Variants in GYPC observed in about 807,000 individuals in gnomAD.
The protein encoded by GYPC is glycophorin C (Gerbich blood group), also known as glycophorin-C.
In GYPC, 14 loss-of-function variants were observed where a neutral mutation model predicts 12.6. The observed-to-expected ratio is 1.11, with a 90% CI of 0.74 to 1.74. The LOEUF (loss-of-function observed/expected upper bound fraction) is 1.74. Ranked by LOEUF, GYPC falls within the 40% of genes most tolerant of loss-of-function variation. GYPC has a pLI of 0.00. For synonymous variants in GYPC, 78 were observed against 62.1 expected (o/e 1.26, Z -1.20); for missense variants, 225 against 172.1 (o/e 1.31, Z -1.72).
At chr2:126,685,017 G>C (rs1683246411) in intron 1 of GYPC, among the ~76,000 whole-genome samples, 1 of 152,214 alleles carries the variant, frequency 6.6e-6, no homozygotes, top group South Asian at 2.1e-4. Flanking sequence ...AGAAATGGAT[G>C]CGTGGGTAAT....
intron 1 of GYPC, among the ~76,000 whole-genome samples, chr2:126,667,402 T>C (rs902342363): frequency 1.3e-5 from 2 of 151,832 alleles, no homozygotes; most frequent in African/African-American, 4.8e-5. Context: ...ATCTTTTTTT[T>C]TTCTTTTTTT....
At chr2:126,661,272 C>G (rs1250891281) in intron 1 of GYPC, among the ~76,000 whole-genome samples, 2 of 152,062 alleles carry the variant, frequency 1.3e-5, no homozygotes, top group Non-Finnish European at 2.9e-5. Flanking sequence ...GCCTGGCATC[C>G]CCCAGCTGTA....
intron 1 of GYPC, among the ~76,000 whole-genome samples, chr2:126,665,251 T>C (rs1046514297): frequency 1.0e-4 from 15 of 148,092 alleles, no homozygotes; most frequent in African/African-American, 3.9e-4. Flanking sequence ...TACAGTAAGA[T>C]ACTGAGAGAG....
chr2:126,681,161 G>A (rs28387172), intron 1 of GYPC, among the ~76,000 whole-genome samples: 35,180 of 152,052 alleles, frequency 0.23, 4,841 homozygotes, highest in Non-Finnish European at 0.32. Flanking sequence ...CTTAAAAGCC[G>A]GTACTTAACA....
intron 1 of GYPC, chr2:126,658,854 G>A (rs1271975287): frequency 6.6e-6 from 1 of 152,052 alleles, no homozygotes; most frequent in Non-Finnish European, 1.5e-5. Context: ...TCTGCTGATG[G>A]GCATTTAGGC....
chr2:126,659,786 T>C (rs1682481367), intron 1 of GYPC, among the ~76,000 whole-genome samples: 1 of 149,114 alleles, frequency 6.7e-6, no homozygotes, highest in Non-Finnish European at 1.5e-5. Context: ...TTTTCTTTTT[T>C]TTTTTTTTTT....
chr2:126,669,955 C>T (rs1189601616), intron 1 of GYPC, among the ~76,000 whole-genome samples: 5 of 152,178 alleles, frequency 3.3e-5, no homozygotes, highest in Admixed American at 1.3e-4. Context: ...GGCCACATCT[C>T]GTCTTCCTCG....
chr2:126,665,619 C>T (rs914125943), intron 1 of GYPC, among the ~76,000 whole-genome samples: 4 of 152,188 alleles, frequency 2.6e-5, no homozygotes. Flanking sequence ...TGGAGACCCT[C>T]TGGGTGCATT....
intron 1 of GYPC, chr2:126,686,506 G>C (rs1683294786): frequency 2.0e-6 from 2 of 985,500 alleles, no homozygotes; most frequent in Non-Finnish European, 1.2e-6. Context: ...GCATAGTGAA[G>C]GCTGCAGTTT....
At chr2:126,691,823 A>T (rs1683474800) in intron 2 of GYPC, among the ~76,000 whole-genome samples, 1 of 152,210 alleles carries the variant, frequency 6.6e-6, no homozygotes, top group Non-Finnish European at 1.5e-5. Context: ...ATTGTGTTGG[A>T]CAAACTGTCC....
intron 1 of GYPC, among the ~76,000 whole-genome samples, chr2:126,665,486 C>A (rs939818692): frequency 1.3e-5 from 2 of 152,334 alleles, no homozygotes; most frequent in South Asian, 2.1e-4. Flanking sequence ...AAGGGGGAAC[C>A]ACCGATTCAT....
chr2:126,677,174 G>A (rs567912206), intron 1 of GYPC, among the ~76,000 whole-genome samples: 2 of 152,042 alleles, frequency 1.3e-5, no homozygotes, highest in Non-Finnish European at 2.9e-5. Context: ...GGAAAAGTGT[G>A]AGAGGAATGT....
intron 1 of GYPC, chr2:126,675,671 G>A: frequency 2.0e-6 from 2 of 984,998 alleles, no homozygotes; most frequent in Non-Finnish European, 2.4e-6. Flanking sequence ...TGTCGTGGCT[G>A]TTCGTCACTA....
chr2:126,666,708 TACACACACACAC>T (rs67904410), intron 1 of GYPC, among the ~76,000 whole-genome samples: 39,754 of 118,386 alleles, frequency 0.34, 7,118 homozygotes, highest in East Asian at 0.48. Context: ...CCTCCCTCCC[TACACACACACAC>T]ACACACACAC....
chr2:126,685,637 A>G (rs1472376998), intron 1 of GYPC, among the ~76,000 whole-genome samples: 2 of 152,110 alleles, frequency 1.3e-5, no homozygotes, highest in Non-Finnish European at 2.9e-5. Flanking sequence ...CACCCACCTC[A>G]GCCTCCCAAA....
intron 3 of GYPC, among the ~76,000 whole-genome samples, chr2:126,694,519 G>A (rs1016918509): frequency 6.6e-6 from 1 of 151,952 alleles, no homozygotes; most frequent in Non-Finnish European, 1.5e-5. Context: ...AATAACTCAG[G>A]AAACATCTAC....
In GYPC at chr2:126,693,856, G is replaced by C. The variant is rs777742848; in HGVS notation, c.107-8G>C. 9 of 1,595,790 alleles carry C rather than the reference G, an allele frequency of 5.6e-6. No individual in the cohort carries two copies. In the East Asian group the frequency reaches 1.8e-4, roughly 32 times the overall value. On this transcript the variant is annotated splice_region_variant and splice_polypyrimidine_tract_variant and intron_variant, in intron 2 of 3. Coordinates refer to ENST00000259254, the MANE Select transcript of GYPC (RefSeq NM_002101.5). ...CTCTGACCTCAGATTCTTGTCCTCT[G>C]TTCACAGAGCCTGATCCAGGGATGT...
chr2:126,657,685 A>C (rs541265390), intron 1 of GYPC: 1 of 152,360 alleles, frequency 6.6e-6, no homozygotes, highest in South Asian at 2.1e-4. Context: ...AGGCATTCTC[A>C]TGTCTGAAGA....
At chr2:126,660,693 C>T (rs1402716873) in intron 1 of GYPC, among the ~76,000 whole-genome samples, 1 of 152,180 alleles carries the variant, frequency 6.6e-6, no homozygotes, top group African/African-American at 2.4e-5. Flanking sequence ...CCCACGCTCC[C>T]AGGACTGCCA....
Sources: gnomAD v4.1 joint callset for allele counts (sites outside exome capture counted in the v4.1 genomes callset) on GRCh38, gnomAD v4.1.1 for gene constraint, MANE v1.5 for transcripts, NCBI Gene and HGNC (gene_info 2026-07-23, HGNC 2026-07-21) for gene names.